The following GRM1 variants were observed in gnomAD, a reference collection of about 807,000 sequenced individuals.
The protein encoded by GRM1 is glutamate metabotropic receptor 1.
In GRM1, 33 loss-of-function variants were observed where a neutral mutation model predicts 90.9. The ratio of observed to expected loss-of-function variants is 0.36; its 90% CI spans 0.28 to 0.49. GRM1 has a LOEUF of 0.49. GRM1 is among the 20% of genes least tolerant of loss of function. The pLI, the probability that GRM1 is intolerant of heterozygous loss-of-function variation, is 0.99. For missense variants in GRM1, 1,190 were observed against 1,534.3 expected (o/e 0.78, Z 3.75); for synonymous variants, 700 against 613.2 (o/e 1.14, Z -2.09).
chr6:146,229,622 G>T (rs1383749669), intron 2 of GRM1, among the ~76,000 whole-genome samples: 3 of 152,006 alleles, frequency 2.0e-5, no homozygotes, highest in Non-Finnish European at 4.4e-5. Flanking sequence ...TGGAATAAAA[G>T]TCTAAGAATT....
At chr6:146,081,338 T>A (rs949769053) in intron 1 of GRM1, among the ~76,000 whole-genome samples, 2 of 152,044 alleles carry the variant, frequency 1.3e-5, no homozygotes, top group Admixed American at 1.3e-4. Context: ...AATAAAGCAA[T>A]GTGTTTAGAG....
intron 2 of GRM1, among the ~76,000 whole-genome samples, chr6:146,238,716 C>T (rs1780741189): frequency 6.6e-6 from 1 of 152,052 alleles, no homozygotes; most frequent in Admixed American, 6.6e-5. Flanking sequence ...CACAGTGGTA[C>T]AGCTGTGCTT....
At chr6:146,066,801 G>T (rs1378945809) in intron 1 of GRM1, among the ~76,000 whole-genome samples, 6 of 151,444 alleles carry the variant, frequency 4.0e-5, no homozygotes, top group Admixed American at 3.9e-4. Flanking sequence ...AGAGAACACA[G>T]TAAATGCATA....
intron 2 of GRM1, among the ~76,000 whole-genome samples, chr6:146,189,525 A>G (rs1247576903): frequency 6.6e-6 from 1 of 152,192 alleles, no homozygotes; most frequent in Non-Finnish European, 1.5e-5. Context: ...GACCTGAAAT[A>G]TTGACACTCC....
At position 146,300,086 on chromosome 6, in the gene GRM1, T is replaced by A. The variant is rs927725627; in HGVS notation, c.951-4525T>A. ...TTTTAAAAATATCGTTTGATTATGGTTTTCGTCTTTTCCCTATTATATTGT... is the reference window on the plus strand; with the variant it reads ...TTTTAAAAATATCGTTTGATTATGGATTTCGTCTTTTCCCTATTATATTGT... On this transcript the variant is annotated intron_variant, in intron 2 of 7. Transcript: ENST00000282753. Among the ~76,000 whole-genome samples the A allele has an allele frequency of 2.0e-5, 3 of 152,192 alleles. No homozygotes were observed. The South Asian group carries it at 6.2e-4, about 32-fold the overall frequency.
intron 1 of GRM1, among the ~76,000 whole-genome samples, chr6:146,037,138 A>T (rs1017187038): frequency 2.0e-5 from 3 of 151,994 alleles, no homozygotes; most frequent in African/African-American, 7.2e-5. Context: ...TTCAAAGAAC[A>T]AGAAGATGGT....
Position 146,080,146 on chromosome 6 carries a change from A to G in GRM1, c.700+49929A>G, listed in dbSNP as rs187856240. On this transcript the variant is annotated intron_variant, in intron 1 of 7. Transcript: ENST00000282753. ...AGTCAGAGGCAGCTTTATAATTTTC[A>G]TTGGGGATGGTGATTTGACTCTGTT... Among the ~76,000 whole-genome samples, 480 of 152,280 alleles carry G rather than the reference A, an allele frequency of 3.2e-3. 2 individuals are homozygous for G. Among genetic ancestry groups the G allele is most frequent in the Middle Eastern group, 6.8e-3 (2 of 294 alleles).
chr6:146,314,568 G>A (rs1013888166), intron 3 of GRM1, among the ~76,000 whole-genome samples: 2 of 152,124 alleles, frequency 1.3e-5, no homozygotes, highest in African/African-American at 4.8e-5. Context: ...CATGTGGTAA[G>A]TGTGTGTTTA....
At chr6:146,339,347 A>G (rs1366349775) in intron 3 of GRM1, among the ~76,000 whole-genome samples, 4 of 152,204 alleles carry the variant, frequency 2.6e-5, no homozygotes, top group African/African-American at 7.2e-5. Context: ...CTTGAAGAAC[A>G]TCTCATAGTT....
chr6:146,389,028 C>T (rs1776613373), intron 6 of GRM1, among the ~76,000 whole-genome samples: 1 of 152,000 alleles, frequency 6.6e-6, no homozygotes, highest in Non-Finnish European at 1.5e-5. Flanking sequence ...TCATTTTGGA[C>T]TCATGCCTTC....
chr6:146,104,132 G>A (rs1194564703), intron 1 of GRM1, among the ~76,000 whole-genome samples: 1 of 152,152 alleles, frequency 6.6e-6, no homozygotes, highest in East Asian at 1.9e-4. Context: ...ATAGTTTGGG[G>A]CCAGAGCTAA....
rs563856851 is a variant in GRM1, at chr6:146,360,423, C to A, written c.1602+2729C>A. On this transcript the variant is annotated intron_variant, in intron 5 of 7. Transcript: ENST00000282753. ...TAATACTTTTTATTGTTGTGTGTAA[C>A]CTTAGGGTCCACTCAGGAAAAAAAG... Among the ~76,000 whole-genome samples the A allele has an allele frequency of 5.4e-3, 823 of 151,980 alleles. 4 individuals carry two copies. Among genetic ancestry groups the A allele is most frequent in the Non-Finnish European group, 0.01 (680 of 67,994 alleles).
intron 2 of GRM1, among the ~76,000 whole-genome samples, chr6:146,270,366 T>A (rs994301473): frequency 2.6e-5 from 4 of 152,362 alleles, no homozygotes; most frequent in African/African-American, 9.6e-5. Context: ...GTAAATCTTT[T>A]ATTAAAACTT....
chr6:146,105,148 T>C (rs967186407), intron 1 of GRM1, among the ~76,000 whole-genome samples: 1 of 152,230 alleles, frequency 6.6e-6, no homozygotes, highest in Non-Finnish European at 1.5e-5. Context: ...TTGGAAATGA[T>C]TAATTTCAGA....
chr6:146,372,149 C>T (rs983120121), intron 5 of GRM1, among the ~76,000 whole-genome samples: 8 of 152,034 alleles, frequency 5.3e-5, no homozygotes, highest in African/African-American at 1.9e-4. Flanking sequence ...TGGATATAAA[C>T]CATTTTAACT....
chr6:146,063,439 A>G (rs941290941), intron 1 of GRM1, among the ~76,000 whole-genome samples: 3 of 152,076 alleles, frequency 2.0e-5, no homozygotes, highest in Non-Finnish European at 4.4e-5. Flanking sequence ...AGATTATTTT[A>G]TTTGTGTTAA....
At chr6:146,160,350 G>A (rs546248494) in intron 2 of GRM1, among the ~76,000 whole-genome samples, 4 of 152,210 alleles carry the variant, frequency 2.6e-5, no homozygotes, top group African/African-American at 4.8e-5. Flanking sequence ...TCTAAATCAC[G>A]TGTACTTGTT....
intron 3 of GRM1, among the ~76,000 whole-genome samples, chr6:146,315,408 A>C (rs959749950): frequency 3.9e-5 from 6 of 152,158 alleles, no homozygotes; most frequent in African/African-American, 1.4e-4. Context: ...AGTAAAAAAG[A>C]AATGCCAGTG....
In GRM1 at chr6:146,029,550, G is replaced by C. The variant is rs199734282; in HGVS notation, c.33G>C (p.Ala11=). Residue 11 remains alanine, a synonymous_variant, in exon 1 of 8, where the codon GCG becomes GCC. Coordinates refer to ENST00000282753, the MANE Select transcript of GRM1 (RefSeq NM_001278064.2). ...GGCTCCTTTTGTTTTTTTTCCCAGCGATCTTTTTGGAGGTGTCCCTTCTCC... is the reference window on the plus strand; with the variant it reads ...GGCTCCTTTTGTTTTTTTTCCCAGCCATCTTTTTGGAGGTGTCCCTTCTCC... MVGLLLFFFP[A]IFLEVSLLPR... 1.5e-4 allele frequency: 238 copies of C among 1,613,928 alleles called. No homozygotes were observed. The highest frequency in any genetic ancestry group is 1.9e-4 in the Non-Finnish European group (224 of 1,179,998).
Sources: allele counts gnomAD v4.1 joint callset (sites outside exome capture counted in the v4.1 genomes callset), GRCh38; gene constraint gnomAD v4.1.1; transcripts MANE v1.5; gene names NCBI Gene and HGNC (gene_info 2026-07-23, HGNC 2026-07-21).